Variants in ZNF606 observed in about 807,000 individuals in gnomAD.
ZNF606 encodes zinc finger protein 328.
Under a neutral mutation model 74.9 loss-of-function variants are expected in ZNF606, and 37 were observed. The observed-to-expected ratio is 0.49, with a 90% CI of 0.38 to 0.65. The LOEUF (loss-of-function observed/expected upper bound fraction) is 0.65. ZNF606 is among the 30% of genes least tolerant of loss of function. The pLI, the probability that ZNF606 is intolerant of heterozygous loss-of-function variation, is 0.00. For missense variants in ZNF606, 852 were observed against 952.9 expected (o/e 0.89, Z 1.39); for synonymous variants, 328 against 312.4 (o/e 1.05, Z -0.53).
chr19:57,988,808 G>T (rs1425039582), intron 4 of ZNF606, 87 bp from the exon 5 acceptor site: 2 of 1,589,538 alleles, frequency 1.3e-6, no homozygotes, highest in Non-Finnish European at 1.7e-6. Flanking sequence ...GCCCTGGGGA[G>T]AGAAGACAGG....
Position 57,980,251 on chromosome 19 carries a change from T to C in ZNF606, c.429A>G (p.Ala143=). The C allele has an allele frequency of 1.2e-6, 2 of 1,609,886 alleles. No individual in the cohort carries two copies. The highest frequency in any genetic ancestry group is 1.1e-5 in the South Asian group (1 of 90,252). The change falls in exon 7 of 7, where the codon GCA becomes GCG. Residue 143 remains alanine (A), a synonymous_variant. Transcript: ENST00000551380. ...PEWVRNLESK[A]LIPAQSIFEE... is the part of the protein sequence containing the mutation. ...CAAAAATGCTCTGTGCTGGGATCAA[T>C]GCTTTGCTTTCAAGATTTCTCACCC...
chr19:57,994,723 G>A (rs1433369348), intron 4 of ZNF606, among the ~76,000 whole-genome samples: 1 of 152,198 alleles, frequency 6.6e-6, no homozygotes, highest in Admixed American at 6.5e-5. Flanking sequence ...CACATTAAAG[G>A]AATGCAATAT....
rs113843235 is a variant in ZNF606, at chr19:58,002,510, A to G, written c.-166T>C. On this transcript the variant is annotated 5_prime_UTR_variant, in exon 1 of 7. Coordinates refer to ENST00000551380, the MANE Select transcript of ZNF606 (RefSeq NM_001348022.3). ...GGTCCGGCCCAGGAGTGCGCTTGGG[A>G]GCTCCCGGCGCGGCCTCGGGGACAA... is the stretch of plus-strand genomic sequence containing the variant. 0.069 allele frequency: 30,589 copies of G among 440,324 alleles called. 1,387 individuals are homozygous for G. Among genetic ancestry groups the G allele is most frequent in the Middle Eastern group, 0.093 (275 of 2,952 alleles). 27.3% of individuals were successfully genotyped at this position (440,324 alleles called of 1,614,324 possible).
At chr19:57,980,469 T>C (rs1220784690) in intron 6 of ZNF606, among the ~76,000 whole-genome samples, 190 bp from the exon 7 acceptor site, 1 of 152,202 alleles carries the variant, frequency 6.6e-6, no homozygotes, top group Non-Finnish European at 1.5e-5. Flanking sequence ...TTAACCAGAA[T>C]ACAAAGTGTG....
At chr19:58,003,094 G>A (rs2073470578), upstream of ZNF606, 1 of 406,794 alleles carries the variant, frequency 2.5e-6, no homozygotes, top group South Asian at 1.7e-5. Context: ...GCAAAATGGC[G>A]CCTCGTGGTA....
chr19:58,001,431 C>G, intron 1 of ZNF606, 61 bp from the exon 2 acceptor site: 2 of 1,341,972 alleles, frequency 1.5e-6, no homozygotes, highest in Non-Finnish European at 2.1e-6. Flanking sequence ...CAAGTGGGAA[C>G]AAAGAAGGGA....
chr19:57,985,445 A>G (rs10424526), intron 6 of ZNF606, among the ~76,000 whole-genome samples: 34,149 of 152,010 alleles, frequency 0.22, 3,931 homozygotes, highest in Non-Finnish European at 0.24. Context: ...GTGTTACAAA[A>G]CCTCTAGGGA....
Position 57,978,843 on chromosome 19 carries a change from T to G in ZNF606, c.1837A>C (p.Lys613Gln). The G allele has an allele frequency of 5.6e-6, 9 of 1,614,196 alleles. No homozygotes were observed. Among genetic ancestry groups the G allele is most frequent in the Non-Finnish European group, 5.9e-6 (7 of 1,180,032 alleles). ...KAFRERSALT[K>Q]HEIIHSGIKP... ...ATTCCAGAATGAATTATCTCATGTT[T>G]AGTGAGGGCTGAGCGTTCTCTGAAT... is the stretch of plus-strand genomic sequence containing the variant. Residue 613 changes from lysine to glutamine, a missense_variant, in exon 7 of 7, where the codon AAA becomes CAA. Around this residue, in one of 3 missense-constraint regions of ZNF606, gnomAD observed 243 missense variants for 359.2 expected, o/e 0.68. Coordinates refer to ENST00000551380, the MANE Select transcript of ZNF606 (RefSeq NM_001348022.3). This position sits in a 1 kb window ranked among gnomAD's most constrained non-coding sequence, Gnocchi z 4.4.
chr19:57,991,702 C>G (rs1217356667), intron 4 of ZNF606, among the ~76,000 whole-genome samples: 2 of 152,004 alleles, frequency 1.3e-5, no homozygotes, highest in African/African-American at 4.8e-5. Context: ...ATCTCTTGAA[C>G]CTGGGAGGCA....
At chr19:57,977,059 G>A (rs190216928), downstream of ZNF606, 3 of 152,312 alleles carry the variant, frequency 2.0e-5, no homozygotes, top group Non-Finnish European at 4.4e-5. Context: ...TCGAGACAGA[G>A]AAACCAGGTA....
chr19:57,980,562 C>T (rs561586178), intron 6 of ZNF606, among the ~76,000 whole-genome samples: 2 of 151,174 alleles, frequency 1.3e-5, no homozygotes, highest in Non-Finnish European at 3.0e-5. Flanking sequence ...AGAGGCCGGA[C>T]GAGGTGGCTA....
At chr19:57,981,899 TAGAG>T (rs1381836421) in intron 6 of ZNF606, among the ~76,000 whole-genome samples, 1 of 152,222 alleles carries the variant, frequency 6.6e-6, no homozygotes, top group Non-Finnish European at 1.5e-5. Context: ...CTGCTATCCT[TAGAG>T]AGCTTTTCTG....
At position 57,979,464 on chromosome 19, in the gene ZNF606, C is replaced by G. The variant is rs762119619; in HGVS notation, c.1216G>C (p.Gly406Arg). Residue 406 changes from glycine (G) to arginine (R), a missense_variant, in exon 7 of 7, where the codon GGG (glycine) becomes CGG (arginine). Physicochemically the swap from Gly to Arg is moderately radical, Grantham distance 125. Coordinates refer to ENST00000551380, the MANE Select transcript of ZNF606 (RefSeq NM_001348022.3). ...TAAGAGCTCCAGATGAAAGACGTCC[C>G]ACATTCATTGTAGTCATAGGGTTTC... The part of the protein sequence containing the change: ...AEKPYDYNEC[G>R]TSFIWSSYLI... The G allele has an allele frequency of 6.2e-7, 1 of 1,614,100 alleles. No individual in the cohort carries two copies. The highest frequency in any genetic ancestry group is 8.5e-7 in the Non-Finnish European group (1 of 1,180,018).
At chr19:57,991,507 T>A (rs1345352634) in intron 4 of ZNF606, among the ~76,000 whole-genome samples, 1 of 152,162 alleles carries the variant, frequency 6.6e-6, no homozygotes, top group Non-Finnish European at 1.5e-5. Flanking sequence ...GTTTTTTTAT[T>A]TAAATGTAAC....
chr19:57,978,874 G>A lies in ZNF606; in HGVS notation c.1806C>T (p.Gly602=), dbSNP rs141727794. ...GEKPYNCQEC[G]KAFRERSALT... ...GGGCTGAGCGTTCTCTGAATGCTTTGCCACATTCCTGACAGTTATATGGTT... is the reference window on the plus strand; with the variant it reads ...GGGCTGAGCGTTCTCTGAATGCTTTACCACATTCCTGACAGTTATATGGTT... The change falls in exon 7 of 7, where the codon GGC becomes GGT. Residue 602 remains glycine (G), a synonymous_variant. Transcript: ENST00000551380. This position sits in a 1 kb window ranked among gnomAD's most constrained non-coding sequence, Gnocchi z 4.4. 2.7e-5 allele frequency: 44 copies of A among 1,613,610 alleles called. No homozygotes were observed. In the African/African-American group the frequency reaches 5.5e-4, roughly 20 times the overall value.
chr19:58,002,221 A>C (rs1256767461), intron 1 of ZNF606, 175 bp downstream of exon 1: 1 of 456,814 alleles, frequency 2.2e-6, no homozygotes, highest in Admixed American at 2.3e-5. Flanking sequence ...CGTCCTTCAC[A>C]GTGCTTTGTG....
At position 57,979,394 on chromosome 19, in the gene ZNF606, T is replaced by A. The variant is rs371833179; in HGVS notation, c.1286A>T (p.Glu429Val). ...AAAAACTTTTCCACATTTATCACAT[T>A]CATAGGGTTTTTCTCCAGTATGAGT... ...KKTHTGEKPY[E>V]CDKCGKVFRN... is the part of the protein sequence containing the mutation. The change falls in exon 7 of 7, where the codon GAA (glutamate) becomes GTA (valine). Residue 429 changes from glutamate (E) to valine (V), a missense_variant. This residue lies in a region of ZNF606 where 545 missense variants were observed against 542.5 expected (regional missense o/e 1.00). Transcript: ENST00000551380. 6.2e-7 allele frequency: 1 copy of A among 1,613,538 alleles called. No homozygotes were observed. The highest frequency in any genetic ancestry group is 1.3e-5 in the African/African-American group (1 of 74,870).
rs143465405 is a variant in ZNF606, at chr19:57,986,548, T to C, written c.400+1659A>G. Among the ~76,000 whole-genome samples, 8 of 152,258 alleles carry C rather than the reference T, an allele frequency of 5.3e-5. No homozygotes were observed. The East Asian group carries it at 1.5e-3, about 29-fold the overall frequency. On this transcript the variant is annotated intron_variant, in intron 6 of 6. Transcript: ENST00000551380. ...AATAAAAAACAGCAATAAAGATAGC[T>C]ACATAAGTATAAAAAGACAATATAA...
intron 1 of ZNF606, 35 bp from the exon 2 acceptor site, chr19:58,001,405 C>A: frequency 6.5e-7 from 1 of 1,547,480 alleles, no homozygotes; most frequent in East Asian, 2.3e-5. Context: ...AAAACTAGTC[C>A]TTTCTCACAG....
Sources: allele counts gnomAD v4.1 joint callset (sites outside exome capture counted in the v4.1 genomes callset), GRCh38; gene constraint gnomAD v4.1.1; regional missense constraint gnomAD v4.1.1; non-coding constraint Gnocchi (gnomAD v3.1); transcripts MANE v1.5; gene names NCBI Gene and HGNC (gene_info 2026-07-23, HGNC 2026-07-21).